MACF1: variants seen among roughly 807,000 people sequenced by gnomAD.
MACF1 encodes microtubule-actin cross-linking factor 1.
Under a neutral mutation model 854.8 loss-of-function variants are expected in MACF1, and 193 were observed. The observed-to-expected ratio is 0.23, with a 90% CI of 0.20 to 0.25. MACF1 has a LOEUF of 0.25. MACF1 is among the 10% of genes least tolerant of loss of function. MACF1 has a pLI of 1.00. For synonymous variants in MACF1, 3,185 were observed against 3,226.7 expected, an observed-to-expected ratio of 0.99 and a Z score of 0.44; for missense variants, 7,722 against 8,929.1, an observed-to-expected ratio of 0.86 and a Z score of 5.45.
chr1:39,205,770 A>G (rs888244014), intron 1 of MACF1, among the ~76,000 whole-genome samples: 2 of 143,108 alleles, frequency 1.4e-5, no homozygotes, highest in Non-Finnish European at 3.0e-5. Context: ...TCTCTTCCCT[A>G]GGGAATCAGG....
intron 6 of MACF1, 93 bp downstream of exon 6, chr1:39,258,121 T>G: frequency 2.0e-6 from 2 of 982,376 alleles, no homozygotes; most frequent in Non-Finnish European, 3.3e-6. Flanking sequence ...GAGCCTTCCT[T>G]CTCTCTATTT....
chr1:39,156,346 A>G (rs1402887176), intron 2 of MACF1, among the ~76,000 whole-genome samples: 1 of 151,700 alleles, frequency 6.6e-6, no homozygotes, highest in African/African-American at 2.4e-5. Flanking sequence ...GGGGCTTGGC[A>G]TGGTGGCTTA....
At chr1:39,376,094 A>C (rs541778821) in intron 52 of MACF1, among the ~76,000 whole-genome samples, 21 of 152,350 alleles carry the variant, frequency 1.4e-4, no homozygotes, top group Non-Finnish European at 2.8e-4. Flanking sequence ...GGACACTCAA[A>C]AATAACTTAA....
At chr1:39,414,458 C>A (rs1389678192) in intron 58 of MACF1, 1 of 1,614,028 alleles carries the variant, frequency 6.2e-7, no homozygotes, top group Admixed American at 1.7e-5. Context: ...GCTGCAACCG[C>A]TGGATTAAAT....
intron 2 of MACF1, chr1:39,102,719 A>C (rs1642123996): frequency 1.4e-6 from 1 of 700,730 alleles, no homozygotes. Context: ...TTCCGAGTAC[A>C]TCCTTCTGCT....
chr1:39,150,945 C>G (rs1643566144), intron 2 of MACF1, among the ~76,000 whole-genome samples: 1 of 152,144 alleles, frequency 6.6e-6, no homozygotes, highest in African/African-American at 2.4e-5. Flanking sequence ...CTTATTTGTA[C>G]TCATGGCTTC....
intron 49 of MACF1, 82 bp from the exon 50 acceptor site, chr1:39,368,066 A>G: frequency 8.9e-7 from 1 of 1,122,110 alleles, no homozygotes; most frequent in East Asian, 2.5e-5. Context: ...TGACCTGGCA[A>G]GCATACCTCT....
chr1:39,371,823 T>TC (rs1020015090), intron 51 of MACF1, among the ~76,000 whole-genome samples: 5 of 151,682 alleles, frequency 3.3e-5, no homozygotes, highest in Non-Finnish European at 1.5e-5. Flanking sequence ...TTGCTTTTTT[T>TC]TTTTTTTTAA....
At chr1:39,344,502 C>T (rs1353137088) in intron 40 of MACF1, among the ~76,000 whole-genome samples, 8 of 151,746 alleles carry the variant, frequency 5.3e-5, no homozygotes, top group African/African-American at 1.9e-4. Flanking sequence ...GCCAAACGGG[C>T]AACTTGAGAG....
At chr1:39,349,292 G>A (rs1254153796) in intron 41 of MACF1, among the ~76,000 whole-genome samples, 186 bp from the exon 42 acceptor site, 1 of 152,198 alleles carries the variant, frequency 6.6e-6, no homozygotes, top group Non-Finnish European at 1.5e-5. Flanking sequence ...CATAGACCCA[G>A]ATCAATGGAC....
chr1:39,139,155 A>T (rs564009907), intron 2 of MACF1, among the ~76,000 whole-genome samples: 267 of 152,326 alleles, frequency 1.8e-3, no homozygotes, highest in Middle Eastern at 0.01. Flanking sequence ...TTCACAGATA[A>T]CTACTAAAAC....
At position 39,453,864 on chromosome 1, in the gene MACF1, T is replaced by C. The variant is rs1490396913; in HGVS notation, c.20886+14T>C. On this transcript the variant is annotated intron_variant, in intron 88 of 100. Transcript: ENST00000564288. ...CGCTTCGAGGAGGTGAGTCCCTGGT[T>C]CAGAGGAGGACTGCACACGCCCAGT... 6.2e-7 allele frequency: 1 copy of C among 1,614,014 alleles called. No homozygotes were observed. The highest frequency in any genetic ancestry group is 1.3e-5 in the African/African-American group (1 of 74,934).
intron 35 of MACF1, among the ~76,000 whole-genome samples, chr1:39,326,399 G>A (rs577077087): frequency 4.7e-4 from 71 of 152,274 alleles, no homozygotes; most frequent in Non-Finnish European, 8.2e-4. Context: ...GGTCTAAAGC[G>A]GCCAGGTGCG....
rs921754037 is a variant in MACF1 at position 39,409,021 on chromosome 1, G to GGCGGCGCAGC, written c.15817-13346_15817-13337dup. Among the ~76,000 whole-genome samples, 2 of 151,838 alleles carry GGCGGCGCAGC rather than the reference G, an allele frequency of 1.3e-5. No homozygotes were observed. Among genetic ancestry groups the GGCGGCGCAGC allele is most frequent in the African/African-American group, 4.8e-5 (2 of 41,314 alleles). ...GGCTTCCAGGGGGCTGCCCGGGCGGGGCGGCGCAGCGCGGCGGCGCGGGGA... is the reference window on the plus strand; with the variant it reads ...GGCTTCCAGGGGGCTGCCCGGGCGGGGCGGCGCAGCGCGGCGCAGCGCGGCGGCGCGGGGA... On this transcript the variant is annotated intron_variant, in intron 58 of 100. Coordinates refer to ENST00000564288, the MANE Select transcript of MACF1 (RefSeq NM_001394062.1). This position sits in a 1 kb window ranked among gnomAD's most constrained non-coding sequence, Gnocchi z 4.2.
intron 1 of MACF1, among the ~76,000 whole-genome samples, chr1:39,220,538 A>C (rs112139327): frequency 0.17 from 23,734 of 142,548 alleles, 2,367 homozygotes; most frequent in Middle Eastern, 0.25. Flanking sequence ...GCGGGAGTGC[A>C]GTGGCGCAAT....
intron 2 of MACF1, among the ~76,000 whole-genome samples, chr1:39,170,027 C>T (rs1001204383): frequency 1.1e-4 from 17 of 151,510 alleles, no homozygotes; most frequent in African/African-American, 2.7e-4. Context: ...GTGATCCGCC[C>T]GCCTCTGCCT....
At position 39,316,611 on chromosome 1, in the gene MACF1, C is replaced by T. The variant is rs1571324401; in HGVS notation, c.3588+82C>T. 3.0e-5 allele frequency: 42 copies of T among 1,377,722 alleles called. 1 individual carries two copies. In the East Asian group the frequency reaches 1.0e-3, roughly 33 times the overall value. The allele number at this position is 1,377,722 out of a possible 1,614,324, so 85.3% of individuals were successfully genotyped here. On this transcript the variant is annotated intron_variant, in intron 28 of 100. Transcript: ENST00000564288. ...AGCAGAGAAATGCAATTTTGGATGGCATGACACTGATTTAAATTTGCATTT... is the reference window on the plus strand; with the variant it reads ...AGCAGAGAAATGCAATTTTGGATGGTATGACACTGATTTAAATTTGCATTT...
rs555841571 is a variant in MACF1 at position 39,351,353 on chromosome 1, A to T, written c.11199+335A>T. On this transcript the variant is annotated intron_variant, in intron 43 of 100. Transcript: ENST00000564288. ...TTTTTAGTAGAGATGAGGTTTCACCAGGTTGGCCAGGCTGGCTAGTCTGTG... is the reference window on the plus strand; with the variant it reads ...TTTTTAGTAGAGATGAGGTTTCACCTGGTTGGCCAGGCTGGCTAGTCTGTG... Among the ~76,000 whole-genome samples the T allele has an allele frequency of 2.5e-3, 376 of 152,182 alleles. 2 individuals carry two copies. Among genetic ancestry groups the T allele is most frequent in the African/African-American group, 8.6e-3 (357 of 41,540 alleles).
At chr1:39,123,736 TTG>T in intron 2 of MACF1, among the ~76,000 whole-genome samples, 1 of 146,644 alleles carries the variant, frequency 6.8e-6, no homozygotes. Flanking sequence ...TTTTTTTTTT[TTG>T]TCCGAGGCAG....
Sources: gnomAD v4.1 joint callset for allele counts (sites outside exome capture counted in the v4.1 genomes callset) on GRCh38, gnomAD v4.1.1 for gene constraint, Gnocchi (gnomAD v3.1) non-coding constraint, MANE v1.5 for transcripts, NCBI Gene and HGNC (gene_info 2026-07-23, HGNC 2026-07-21) for gene names.